Variants in KLK12 observed in about 807,000 individuals in gnomAD.
KLK12 encodes kallikrein related peptidase 12.
Under a neutral mutation model 20.0 loss-of-function variants are expected in KLK12, and 23 were observed. The observed-to-expected ratio is 1.15, with a 90% confidence interval of 0.83 to 1.63. The LOEUF (loss-of-function observed/expected upper bound fraction) is 1.63. Ranked by LOEUF, KLK12 falls within the 40% of genes most tolerant of loss-of-function variation. KLK12 has a pLI of 0.00. For missense variants in KLK12, 351 were observed against 338.6 expected, an observed-to-expected ratio of 1.04 and a Z score of -0.29; for synonymous variants, 147 against 141.9, an observed-to-expected ratio of 1.04 and a Z score of -0.25.
At chr19:51,034,164 C>T (rs1271870263) in intron 2 of KLK12, 25 bp from the exon 3 acceptor site, 1 of 1,550,568 alleles carries the variant, frequency 6.4e-7, no homozygotes, top group African/African-American at 1.4e-5. Context: ...GGGCATGGGT[C>T]AGAGAGAGGA....
At position 51,030,909 on chromosome 19, in the gene KLK12, T is replaced by A; in HGVS notation, c.470A>T (p.Asp157Val). 6.2e-7 allele frequency: 1 copy of A among 1,614,094 alleles called. No individual in the cohort carries two copies. The highest frequency in any genetic ancestry group is 8.5e-7 in the Non-Finnish European group (1 of 1,180,014). Reference sequence around the variant, plus strand: ...GGAGAGGTTGAGGCACTGGAGCAGATCCGGGAATGGGTCTGGAGAGAGAAC... The same window carrying A: ...GGAGAGGTTGAGGCACTGGAGCAGAACCGGGAATGGGTCTGGAGAGAGAAC... ...ITNHPRNPFPDLLQCLNLSIV... is the reference protein window; with the variant it reads ...ITNHPRNPFPVLLQCLNLSIV... The change falls in exon 5 of 6, where the codon GAT (aspartate) becomes GTT (valine). Residue 157 changes from aspartate to valine, a missense_variant. Coordinates refer to ENST00000684732, the MANE Select transcript of KLK12 (RefSeq NM_001370125.1).
intron 2 of KLK12, 121 bp downstream of exon 2, chr19:51,034,464 C>G: frequency 1.3e-6 from 2 of 1,520,456 alleles, no homozygotes; most frequent in Non-Finnish European, 1.8e-6. Context: ...GAGAAAGCCC[C>G]TCTCCTCCTC....
intron 5 of KLK12, 68 bp downstream of exon 5, chr19:51,030,720 T>A: frequency 6.3e-7 from 1 of 1,598,076 alleles, no homozygotes. Context: ...TCAGTTCCCC[T>A]CCTGCTTCCA....
At position 51,034,918 on chromosome 19, in the gene KLK12, C is replaced by T. The variant is rs938913713; in HGVS notation, c.-132G>A. On this transcript the variant is annotated 5_prime_UTR_variant, in exon 1 of 6. Transcript: ENST00000684732. ...CTGTCTTCTCATGTGCTGGCCACTC[C>T]GCCAGCCAACTCTACCACTCTGCAC... 4.7e-5 allele frequency: 61 copies of T among 1,299,810 alleles called. No individual in the cohort carries two copies. Among genetic ancestry groups the T allele is most frequent in the South Asian group, 6.8e-5 (4 of 58,932 alleles). The allele number at this position is 1,299,810 out of a possible 1,614,324, so 80.5% of individuals were successfully genotyped here. A position where few individuals can be genotyped will look rare whatever the true frequency, so the allele number is the denominator to read the frequency against.
rs977803304 is a variant in KLK12 at position 51,034,859 on chromosome 19, C to T, written c.-73G>A. ...CGTGGCTGTCACTGTTTGGCCTGTCCTCGTCGCTGCTATCTCTCCGTCCAC... is the reference window on the plus strand; with the variant it reads ...CGTGGCTGTCACTGTTTGGCCTGTCTTCGTCGCTGCTATCTCTCCGTCCAC... On this transcript the variant is annotated 5_prime_UTR_variant, in exon 1 of 6. Transcript: ENST00000684732. 2.8e-5 allele frequency: 39 copies of T among 1,413,196 alleles called. No homozygotes were observed. The highest frequency in any genetic ancestry group is 1.6e-4 in the African/African-American group (11 of 69,336). The allele number at this position is 1,413,196 out of a possible 1,614,324, so 87.5% of individuals were successfully genotyped here.
intron 3 of KLK12, chr19:51,033,765 T>C (rs2091583395): frequency 1.6e-6 from 1 of 616,586 alleles, no homozygotes; most frequent in Non-Finnish European, 2.9e-6. Flanking sequence ...GAGGGCAGGT[T>C]CCAGGACCCT....
intron 3 of KLK12, 57 bp downstream of exon 3, chr19:51,033,923 C>A: frequency 6.5e-7 from 1 of 1,530,220 alleles, no homozygotes; most frequent in Non-Finnish European, 9.0e-7. Context: ...TGTGATCCTA[C>A]CCCCAGCGCT....
chr19:51,034,860 T>G lies in KLK12; in HGVS notation c.-74A>C, dbSNP rs8104554. 0.25 allele frequency: 352,240 copies of G among 1,404,710 alleles called. 47,135 individuals are homozygous for G. The highest frequency in any genetic ancestry group is 0.59 in the East Asian group (22,213 of 37,630). 87.0% of individuals were successfully genotyped at this position (1,404,710 alleles called of 1,614,324 possible). A position where few individuals can be genotyped will look rare whatever the true frequency, so the allele number is the denominator to read the frequency against. On this transcript the variant is annotated 5_prime_UTR_variant, in exon 1 of 6. Coordinates refer to ENST00000684732, the MANE Select transcript of KLK12 (RefSeq NM_001370125.1). Reference sequence around the variant, plus strand: ...GTGGCTGTCACTGTTTGGCCTGTCCTCGTCGCTGCTATCTCTCCGTCCACC... The same window carrying G: ...GTGGCTGTCACTGTTTGGCCTGTCCGCGTCGCTGCTATCTCTCCGTCCACC...
rs1568578271 is a variant in KLK12 at position 51,032,108 on chromosome 19, G to T, written c.225C>A (p.His75Gln). Residue 75 changes from histidine to glutamine, a missense_variant, in exon 4 of 6, where the codon CAC (histidine) becomes CAA (glutamine). Physicochemically the swap from His to Gln is conservative, Grantham distance 24. Coordinates refer to ENST00000684732, the MANE Select transcript of KLK12 (RefSeq NM_001370125.1). ...GSRYWVRLGE[H>Q]SLSQLDWTEQ... is the part of the protein sequence containing the mutation. The stretch of plus-strand genomic sequence containing the variant: ...CGGTCCAGTCGAGCTGGCTGAGGCT[G>T]TGTTCCCCCAGGCGCACCCAGTACC... The T allele has an allele frequency of 1.9e-6, 3 of 1,603,784 alleles. No individual in the cohort carries two copies. Among genetic ancestry groups the T allele is most frequent in the Non-Finnish European group, 2.5e-6 (3 of 1,178,002 alleles).
At chr19:51,030,670 C>G (rs895449420) in intron 5 of KLK12, 118 bp downstream of exon 5, 4 of 1,422,882 alleles carry the variant, frequency 2.8e-6, no homozygotes, top group South Asian at 1.2e-5. Context: ...TTTTTGACCC[C>G]GTCTCTCTGC....
chr19:51,031,515 C>T (rs992451026), intron 4 of KLK12, among the ~76,000 whole-genome samples: 3 of 150,864 alleles, frequency 2.0e-5, no homozygotes, highest in Non-Finnish European at 4.4e-5. Flanking sequence ...GATTGTACAA[C>T]CTCTGGATCC....
rs145698733 is a variant in KLK12 at position 51,032,132 on chromosome 19, C to A, written c.201G>T (p.Arg67Ser). 1.3e-6 allele frequency: 2 copies of A among 1,599,686 alleles called. No homozygotes were observed. Among genetic ancestry groups the A allele is most frequent in the Non-Finnish European group, 1.7e-6 (2 of 1,177,182 alleles). Residue 67 changes from arginine to serine, a missense_variant, in exon 4 of 6, where the codon AGG (arginine) becomes AGT (serine). Coordinates refer to ENST00000684732, the MANE Select transcript of KLK12 (RefSeq NM_001370125.1). ...VLTAAHCSGSRYWVRLGEHSL... is the reference protein window; with the variant it reads ...VLTAAHCSGSSYWVRLGEHSL... ...TGTGTTCCCCCAGGCGCACCCAGTA[C>A]CTGCTGCCGGTGGCGACGGCTGAGC...
intron 5 of KLK12, chr19:51,030,213 C>T (rs2091541411): frequency 8.0e-6 from 1 of 125,774 alleles, no homozygotes; most frequent in Non-Finnish European, 1.7e-5. Context: ...ATCTTTCCTT[C>T]TCTGTTCCCT....
intron 5 of KLK12, among the ~76,000 whole-genome samples, chr19:51,030,503 C>A (rs2091545206): frequency 6.6e-6 from 1 of 151,922 alleles, no homozygotes; most frequent in African/African-American, 2.4e-5. Flanking sequence ...GCTTGCACCA[C>A]CACCCCCGGC....
chr19:51,031,746 T>C, intron 4 of KLK12, 130 bp downstream of exon 4: 1 of 1,068,024 alleles, frequency 9.4e-7, no homozygotes, highest in South Asian at 1.3e-5. Flanking sequence ...CAAACCATGA[T>C]CCTGATGTCC....
Position 51,030,956 on chromosome 19 carries a change from A to C in KLK12, c.458-35T>G, listed in dbSNP as rs1226569626. ...GAACATGCGTGCTGCAGGGTCCCCT[A>C]AATCTCCCCACTTTGAGGCCACGTC... On this transcript the variant is annotated intron_variant, in intron 4 of 5. Transcript: ENST00000684732. 3 of 1,613,450 alleles carry C rather than the reference A, an allele frequency of 1.9e-6. No individual in the cohort carries two copies. In the African/African-American group the frequency reaches 4.0e-5, roughly 22 times the overall value.
intron 1 of KLK12, 78 bp downstream of exon 1, chr19:51,034,728 G>GGA: frequency 6.5e-7 from 1 of 1,540,108 alleles, no homozygotes; most frequent in Non-Finnish European, 8.8e-7. Flanking sequence ...GTCACCAAGG[G>GGA]GATGACCTGC....
At position 51,029,438 on chromosome 19, in the gene KLK12, AG is replaced by A. The variant is rs776238278; in HGVS notation, c.610del (p.Leu204TrpfsTer40). 2 of 1,612,116 alleles carry A rather than the reference AG, an allele frequency of 1.2e-6. No homozygotes were observed. The highest frequency in any genetic ancestry group is 1.7e-6 in the Non-Finnish European group (2 of 1,178,168). ...ACCTTGAAGGACTCCCCCACACACC[AG>A]GGGGCCCCCAGAATCACCCTGGAAG... ...DACQGDSGGP[L>X]VCGGVLQGLV... On this transcript the variant is annotated frameshift_variant, in exon 6 of 6. Transcript: ENST00000684732. LOFTEE classifies it low-confidence loss of function (END_TRUNC).
chr19:51,032,012 G>A lies in KLK12; in HGVS notation c.321C>T (p.His107=), dbSNP rs140418323. Residue 107 remains histidine (H), a synonymous_variant, in exon 4 of 6, where the codon CAC becomes CAT. Transcript: ENST00000684732. ...GGCGCAGCCGCAGCAGCCGGAGGTC[G>A]TGCTCGTGGCTCGTCGAGGCTCCCA... is the stretch of plus-strand genomic sequence containing the variant. ...GYLGASTSHE[H]DLRLLRLRLP... is the part of the protein sequence containing the mutation. 1.3e-5 allele frequency: 21 copies of A among 1,612,390 alleles called. No individual in the cohort carries two copies. The highest frequency in any genetic ancestry group is 6.7e-5 in the Admixed American group (4 of 59,952).
Sources: gnomAD v4.1 joint callset for allele counts (sites outside exome capture counted in the v4.1 genomes callset) on GRCh38, gnomAD v4.1.1 for gene constraint, MANE v1.5 for transcripts, NCBI Gene and HGNC (gene_info 2026-07-23, HGNC 2026-07-21) for gene names.